Variants in CDH18 observed in about 807,000 individuals in gnomAD.
CDH18 encodes the protein cadherin-18.
Under a neutral mutation model 67.9 loss-of-function variants are expected in CDH18, and 31 were observed. That is an observed-to-expected ratio of 0.46 (90% CI 0.34 to 0.62). The LOEUF (loss-of-function observed/expected upper bound fraction) is 0.62. Ranked by LOEUF, CDH18 falls within the 20% of genes least tolerant of loss-of-function variation. The pLI, the probability that CDH18 is intolerant of heterozygous loss-of-function variation, is 0.01. For missense variants in CDH18, 890 were observed against 975.5 expected (o/e 0.91, Z 1.17); for synonymous variants, 362 against 347.2 (o/e 1.04, Z -0.48).
intron 1 of CDH18, among the ~76,000 whole-genome samples, chr5:20,567,637 C>CT (rs1758588233): frequency 6.6e-6 from 1 of 151,990 alleles, no homozygotes; most frequent in Non-Finnish European, 1.5e-5. Context: ...TGAGAATGTG[C>CT]TTTTTTTTCA....
chr5:20,126,017 G>C (rs1054657873), intron 2 of CDH18, among the ~76,000 whole-genome samples: 5 of 152,156 alleles, frequency 3.3e-5, no homozygotes, highest in Admixed American at 6.5e-5. Context: ...GCAATCTTGA[G>C]AAAGATGAAC....
At chr5:20,521,256 G>T (rs1045811984) in intron 1 of CDH18, among the ~76,000 whole-genome samples, 5 of 152,116 alleles carry the variant, frequency 3.3e-5, no homozygotes, top group African/African-American at 4.8e-5. Context: ...ACTAGGAAAA[G>T]TATAAGTTTG....
chr5:20,063,504 C>T (rs921727607), intron 2 of CDH18, among the ~76,000 whole-genome samples: 2 of 152,130 alleles, frequency 1.3e-5, no homozygotes, highest in South Asian at 4.1e-4. Flanking sequence ...CCCTGGTCCA[C>T]ACAGTAGAAA....
intron 2 of CDH18, among the ~76,000 whole-genome samples, chr5:20,086,843 G>T (rs776755321): frequency 1.3e-5 from 2 of 152,148 alleles, no homozygotes; most frequent in Non-Finnish European, 2.9e-5. Context: ...GTAAGAAGAT[G>T]AATATAGTTT....
At chr5:19,988,765 G>T (rs761353628), upstream of CDH18, among the ~76,000 whole-genome samples, 16 of 152,120 alleles carry the variant, frequency 1.1e-4, no homozygotes, top group Non-Finnish European at 2.4e-4. Flanking sequence ...ACATTCAACT[G>T]CTGGCTCATT....
At chr5:19,708,430 G>C (rs1764234620) in intron 5 of CDH18, among the ~76,000 whole-genome samples, 1 of 152,002 alleles carries the variant, frequency 6.6e-6, no homozygotes, top group African/African-American at 2.4e-5. Flanking sequence ...AGCTGCCTTT[G>C]CTTTTATCAT....
In CDH18 at chr5:20,279,130, G is replaced by C. The variant is rs188952422; in HGVS notation, c.-579-23625C>G. Among the ~76,000 whole-genome samples, 381 of 151,892 alleles carry C rather than the reference G, an allele frequency of 2.5e-3. 1 individual carries two copies. Among genetic ancestry groups the C allele is most frequent in the Admixed American group, 4.7e-3 (71 of 15,216 alleles). On this transcript the variant is annotated intron_variant, in intron 1 of 14. Transcript: ENST00000507958. ...GAGTGGCAGAATGGATAAGAAATGA[G>C]ACTCAAAGATCTGCTACCTACAAAA...
At chr5:20,204,515 G>C (rs76723304) in intron 2 of CDH18, among the ~76,000 whole-genome samples, 3,575 of 151,950 alleles carry the variant, frequency 0.024, 145 homozygotes, top group African/African-American at 0.08. Flanking sequence ...GAATCTAAAA[G>C]AAAAATACAC....
chr5:20,433,994 A>T (rs530727754), intron 1 of CDH18, among the ~76,000 whole-genome samples: 24 of 152,242 alleles, frequency 1.6e-4, no homozygotes, highest in African/African-American at 5.1e-4. Context: ...CAAACCATTG[A>T]GTTCAACAAC....
At chr5:19,602,881 C>A (rs549921746) in intron 6 of CDH18, among the ~76,000 whole-genome samples, 2 of 152,200 alleles carry the variant, frequency 1.3e-5, no homozygotes, top group Non-Finnish European at 2.9e-5. Context: ...AGAAGAATCC[C>A]TTGAATCCAG....
intron 2 of CDH18, among the ~76,000 whole-genome samples, chr5:19,963,293 G>A (rs1379126608): frequency 6.6e-6 from 1 of 152,098 alleles, no homozygotes; most frequent in Non-Finnish European, 1.5e-5. Context: ...GTGTTGGAAG[G>A]TGATAATAGT....
intron 7 of CDH18, among the ~76,000 whole-genome samples, chr5:19,575,313 A>G (rs564595686): frequency 5.8e-4 from 88 of 152,294 alleles, no homozygotes; most frequent in Middle Eastern, 6.8e-3. Flanking sequence ...TCCAACATTC[A>G]CCATGGTGAT....
intron 6 of CDH18, among the ~76,000 whole-genome samples, chr5:19,600,694 A>T (rs1478741918): frequency 1.3e-5 from 2 of 151,990 alleles, no homozygotes. Flanking sequence ...ACATGGGGAG[A>T]AATTTTTTCC....
intron 2 of CDH18, among the ~76,000 whole-genome samples, chr5:19,846,706 A>T (rs960813680): frequency 6.6e-6 from 1 of 152,068 alleles, no homozygotes; most frequent in Non-Finnish European, 1.5e-5. Flanking sequence ...CTGAACTTCC[A>T]TATATACTGA....
intron 2 of CDH18, among the ~76,000 whole-genome samples, chr5:19,956,931 A>G (rs1282641528): frequency 6.6e-6 from 1 of 151,934 alleles, no homozygotes; most frequent in Non-Finnish European, 1.5e-5. Context: ...GTAGAGGTGG[A>G]TGTAAATCTA....
intron 1 of CDH18, among the ~76,000 whole-genome samples, chr5:20,281,457 A>C (rs1261900289): frequency 1.3e-5 from 2 of 152,128 alleles, no homozygotes; most frequent in Non-Finnish European, 2.9e-5. Context: ...CCATTTATTA[A>C]ATAGGGAATC....
chr5:20,015,119 C>T (rs1737770084), intron 2 of CDH18, among the ~76,000 whole-genome samples: 1 of 152,118 alleles, frequency 6.6e-6, no homozygotes, highest in Non-Finnish European at 1.5e-5. Context: ...TTCTAGTAAT[C>T]TATCTGCATG....
intron 1 of CDH18, among the ~76,000 whole-genome samples, chr5:20,472,212 A>G (rs1752140158): frequency 6.6e-6 from 1 of 152,246 alleles, no homozygotes; most frequent in African/African-American, 2.4e-5. Flanking sequence ...TTTCATGGAC[A>G]TGAGGTTCAA....
chr5:19,693,566 T>G (rs913485830), intron 5 of CDH18, among the ~76,000 whole-genome samples: 2 of 152,168 alleles, frequency 1.3e-5, no homozygotes, highest in African/African-American at 4.8e-5. Flanking sequence ...TACTCATAAT[T>G]TGTCTACAAA....
Sources: allele counts gnomAD v4.1 joint callset (sites outside exome capture counted in the v4.1 genomes callset), GRCh38; gene constraint gnomAD v4.1.1; transcripts MANE v1.5; gene names NCBI Gene and HGNC (gene_info 2026-07-23, HGNC 2026-07-21).